The following GPC5 variants were observed in gnomAD, a reference collection of about 807,000 sequenced individuals.
GPC5 encodes the protein glypican-5.
A neutral mutation model predicts 53.9 loss-of-function variants in GPC5; 47 were observed. That is an observed-to-expected ratio of 0.87 (90% CI 0.69 to 1.11). GPC5 has a LOEUF of 1.11. GPC5 is among the 50% of genes most tolerant of loss of function. GPC5 has a pLI of 0.00. For missense variants in GPC5, 748 were observed against 713.1 expected (o/e 1.05, Z -0.56); for synonymous variants, 286 against 263.3 (o/e 1.09, Z -0.84).
At chr13:91,434,583 C>T (rs897640717) in intron 1 of GPC5, among the ~76,000 whole-genome samples, 4 of 152,106 alleles carry the variant, frequency 2.6e-5, no homozygotes, top group African/African-American at 9.7e-5. Flanking sequence ...GTACCAGTAC[C>T]ATGCTGTTTT....
intron 4 of GPC5, among the ~76,000 whole-genome samples, chr13:91,746,337 G>T (rs2037049866): frequency 6.6e-6 from 1 of 151,720 alleles, no homozygotes. Flanking sequence ...TGACTTTAGG[G>T]GTAAAAAAAA....
At chr13:91,798,301 A>C (rs115768703) in intron 5 of GPC5, among the ~76,000 whole-genome samples, 41 of 152,296 alleles carry the variant, frequency 2.7e-4, no homozygotes, top group African/African-American at 9.9e-4. Context: ...TATTAAGCCC[A>C]ACGTCCATTA....
chr13:92,817,714 A>G (rs1461923226), intron 7 of GPC5, among the ~76,000 whole-genome samples: 1 of 152,006 alleles, frequency 6.6e-6, no homozygotes, highest in South Asian at 2.1e-4. Flanking sequence ...TCATAAAAGT[A>G]TACCGTTTCA....
At chr13:92,672,002 G>T (rs986977255) in intron 7 of GPC5, among the ~76,000 whole-genome samples, 1 of 152,160 alleles carries the variant, frequency 6.6e-6, no homozygotes, top group Non-Finnish European at 1.5e-5. Context: ...CAGGGCCATT[G>T]ACTGACTCTA....
chr13:92,407,709 TCAAA>T (rs1055399817), intron 7 of GPC5, among the ~76,000 whole-genome samples: 36 of 152,082 alleles, frequency 2.4e-4, no homozygotes, highest in African/African-American at 8.4e-4. Flanking sequence ...CAAATTACTC[TCAAA>T]CAAAATTCTT....
intron 7 of GPC5, among the ~76,000 whole-genome samples, chr13:92,744,751 C>G (rs983958950): frequency 6.6e-6 from 1 of 151,862 alleles, no homozygotes; most frequent in Non-Finnish European, 1.5e-5. Flanking sequence ...GAGGAATTAT[C>G]TAGGGAAGAG....
chr13:91,475,943 A>T (rs540691732), intron 2 of GPC5, among the ~76,000 whole-genome samples: 5 of 152,228 alleles, frequency 3.3e-5, no homozygotes, highest in Non-Finnish European at 7.3e-5. Flanking sequence ...GTGATGAAGG[A>T]AAAACACAAT....
At chr13:91,574,556 A>G (rs372432114) in intron 2 of GPC5, among the ~76,000 whole-genome samples, 2 of 152,136 alleles carry the variant, frequency 1.3e-5, no homozygotes, top group Non-Finnish European at 1.5e-5. Flanking sequence ...TTAATATGCA[A>G]TCAGAAAGGA....
intron 7 of GPC5, among the ~76,000 whole-genome samples, chr13:92,284,571 G>T (rs2042940025): frequency 1.3e-5 from 2 of 152,158 alleles, no homozygotes; most frequent in Non-Finnish European, 1.5e-5. Flanking sequence ...TCCCTGGGAT[G>T]CAAGGCTGGT....
At chr13:92,842,900 A>G (rs977579903) in intron 7 of GPC5, among the ~76,000 whole-genome samples, 4 of 152,206 alleles carry the variant, frequency 2.6e-5, no homozygotes, top group Non-Finnish European at 5.9e-5. Flanking sequence ...GAATGATTTT[A>G]CCATTTAGAT....
chr13:91,824,355 T>A (rs1566286770), intron 5 of GPC5, among the ~76,000 whole-genome samples: 1 of 151,924 alleles, frequency 6.6e-6, no homozygotes, highest in African/African-American at 2.4e-5. Flanking sequence ...GGAGAGAGAC[T>A]GAGGAAAGAA....
At chr13:92,274,567 A>C (rs1441078320) in intron 7 of GPC5, among the ~76,000 whole-genome samples, 1 of 152,050 alleles carries the variant, frequency 6.6e-6, no homozygotes, top group Non-Finnish European at 1.5e-5. Flanking sequence ...AAGAGTCTAG[A>C]TATTGGTTAG....
chr13:92,530,283 G>C (rs1427972707), intron 7 of GPC5, among the ~76,000 whole-genome samples: 1 of 152,014 alleles, frequency 6.6e-6, no homozygotes, highest in East Asian at 1.9e-4. Context: ...TCACGCATTA[G>C]TTCAATTTAG....
At chr13:92,634,395 T>C (rs1159701560) in intron 7 of GPC5, among the ~76,000 whole-genome samples, 4 of 152,140 alleles carry the variant, frequency 2.6e-5, no homozygotes, top group Non-Finnish European at 5.9e-5. Flanking sequence ...GTGAGGCCTT[T>C]TGTATCTTGG....
chr13:92,387,022 A>T (rs1026181158), intron 7 of GPC5, among the ~76,000 whole-genome samples: 14 of 152,082 alleles, frequency 9.2e-5, no homozygotes, highest in African/African-American at 3.4e-4. Flanking sequence ...GTAGAATTAG[A>T]ACTCACACTC....
intron 6 of GPC5, among the ~76,000 whole-genome samples, chr13:92,060,435 A>G (rs1291753990): frequency 6.6e-6 from 1 of 152,098 alleles, no homozygotes; most frequent in Non-Finnish European, 1.5e-5. Flanking sequence ...TCGATTTCCC[A>G]TTATTTCACC....
intron 6 of GPC5, among the ~76,000 whole-genome samples, chr13:92,043,079 G>A (rs1282222787): frequency 6.6e-6 from 1 of 152,102 alleles, no homozygotes; most frequent in South Asian, 2.1e-4. Context: ...AGAAGACAGA[G>A]AAGAAAAAAC....
chr13:91,828,195 T>C (rs2038603461), intron 5 of GPC5, among the ~76,000 whole-genome samples: 1 of 152,100 alleles, frequency 6.6e-6, no homozygotes, highest in Non-Finnish European at 1.5e-5. Context: ...TAATGTTTCT[T>C]ATCTTTATAG....
chr13:92,144,685 T>G, intron 6 of GPC5, 145 bp from the exon 7 acceptor site: 1 of 699,996 alleles, frequency 1.4e-6, no homozygotes, highest in Non-Finnish European at 2.3e-6. Flanking sequence ...TTTCAGTTGT[T>G]TCATTTTTCT....
Sources: gnomAD v4.1 joint callset for allele counts (sites outside exome capture counted in the v4.1 genomes callset) on GRCh38, gnomAD v4.1.1 for gene constraint, MANE v1.5 for transcripts, NCBI Gene and HGNC (gene_info 2026-07-23, HGNC 2026-07-21) for gene names.